PCTP: variants seen among roughly 807,000 people sequenced by gnomAD.
PCTP encodes the protein phosphatidylcholine transfer protein, also known as START domain-containing protein 2.
PCTP carries 27 observed loss-of-function variants against 31.0 expected under a neutral mutation model. The ratio of observed to expected loss-of-function variants is 0.87; its 90% confidence interval spans 0.64 to 1.20. The LOEUF is 1.20. Ranked by LOEUF, PCTP falls within the 50% of genes most tolerant of loss-of-function variation. The pLI is 0.00. For synonymous variants in PCTP, 108 were observed against 101.2 expected (o/e 1.07, Z -0.40); for missense variants, 287 against 268.2 (o/e 1.07, Z -0.49).
chr17:55,764,756 A>G (rs970954649), intron 1 of PCTP, among the ~76,000 whole-genome samples: 2 of 152,214 alleles, frequency 1.3e-5, no homozygotes, highest in African/African-American at 4.8e-5. Flanking sequence ...CCCTCAGGCC[A>G]TGGCACAGTG....
At chr17:55,806,959 T>C (rs1296656235) in intron 3 of PCTP, among the ~76,000 whole-genome samples, 1 of 152,192 alleles carries the variant, frequency 6.6e-6, no homozygotes, top group African/African-American at 2.4e-5. Flanking sequence ...AATCTGCTAA[T>C]GACTCAGACT....
chr17:55,776,611 G>C lies in PCTP; in HGVS notation c.*511G>C, dbSNP rs943701324. 3 of 1,230,734 alleles carry C rather than the reference G, an allele frequency of 2.4e-6. No individual in the cohort carries two copies. The African/African-American group carries it at 4.7e-5, about 19-fold the overall frequency. 76.2% of individuals were successfully genotyped at this position (1,230,734 alleles called of 1,614,324 possible). ...AGCTGACTTTCAGTGCACCCAAACT[G>C]GATGACGTGCCAATGTCCATTTGCC... On this transcript the variant is annotated 3_prime_UTR_variant, in exon 6 of 6. Transcript: ENST00000268896.
At chr17:55,794,111 A>C (rs1245939674) in intron 3 of PCTP, among the ~76,000 whole-genome samples, 2 of 152,092 alleles carry the variant, frequency 1.3e-5, no homozygotes, top group Non-Finnish European at 2.9e-5. Context: ...TGCCAGAACA[A>C]AACCAACCTC....
At chr17:55,769,883 G>T (rs35098135) in intron 2 of PCTP, 16,576 of 152,212 alleles carry the variant, frequency 0.11, 998 homozygotes, top group African/African-American at 0.15. Flanking sequence ...TGCTCAAGGG[G>T]CGATCAATGC....
downstream of PCTP, among the ~76,000 whole-genome samples, chr17:55,827,988 G>C (rs919074156): frequency 6.6e-6 from 1 of 152,132 alleles, no homozygotes; most frequent in African/African-American, 2.4e-5. Flanking sequence ...TGCTATTTGC[G>C]TTCAAGGGTG....
At chr17:55,778,895 G>C (rs1245338694), downstream of PCTP, among the ~76,000 whole-genome samples, 1 of 152,156 alleles carries the variant, frequency 6.6e-6, no homozygotes, top group Non-Finnish European at 1.5e-5. Flanking sequence ...TGGAACCGAG[G>C]AGTTCCAGCA....
intron 2 of PCTP, chr17:55,770,031 A>T (rs1046892015): frequency 3.3e-5 from 5 of 152,240 alleles, no homozygotes; most frequent in African/African-American, 9.6e-5. Context: ...AACCTAAATT[A>T]TCCCTCCTTA....
chr17:55,852,075 C>T, the PCTP span, among the ~76,000 whole-genome samples: 1 of 152,034 alleles, frequency 6.6e-6, no homozygotes, highest in Non-Finnish European at 1.5e-5. Context: ...TTTTTTTACT[C>T]AACTTTATAT....
At chr17:55,809,362 C>T (rs1169751185) in intron 3 of PCTP, among the ~76,000 whole-genome samples, 1 of 152,040 alleles carries the variant, frequency 6.6e-6, no homozygotes, top group East Asian at 1.9e-4. Context: ...TTAAGGTAAG[C>T]AGATGTCATA....
chr17:55,806,555 A>G (rs1253421896), intron 3 of PCTP, among the ~76,000 whole-genome samples: 6 of 152,178 alleles, frequency 3.9e-5, no homozygotes, highest in Admixed American at 2.0e-4. Flanking sequence ...TAAGACTGCC[A>G]GGTAGGAAAC....
chr17:55,805,886 ATGTGTGTG>A (rs58345619), intron 3 of PCTP, among the ~76,000 whole-genome samples: 70 of 142,860 alleles, frequency 4.9e-4, no homozygotes, highest in African/African-American at 1.7e-3. Context: ...CTCAATCTGT[ATGTGTGTG>A]TGTGTGTGTG....
In PCTP at chr17:55,776,708, G is replaced by A; in HGVS notation, c.*608G>A. Reference sequence around the variant, plus strand: ...AGTAAGTCTTTCCTCGTTCCTACTTGTGGAGGATCAGTAGCTGTTATGATG... The same window carrying A: ...AGTAAGTCTTTCCTCGTTCCTACTTATGGAGGATCAGTAGCTGTTATGATG... On this transcript the variant is annotated 3_prime_UTR_variant, in exon 6 of 6. Transcript: ENST00000268896. 8.3e-7 allele frequency: 1 copy of A among 1,207,570 alleles called. No homozygotes were observed. 74.8% of individuals were successfully genotyped at this position (1,207,570 alleles called of 1,614,324 possible). A position where few individuals can be genotyped will look rare whatever the true frequency, so the allele number is the denominator to read the frequency against.
Position 55,776,813 on chromosome 17 carries a change from A to G in PCTP, c.*713A>G. Reference sequence around the variant, plus strand: ...ACATTTTTCCTCATCATCCATGAGGAAATGGATGATTTCTCTTTTCCATAT... The same window carrying G: ...ACATTTTTCCTCATCATCCATGAGGGAATGGATGATTTCTCTTTTCCATAT... On this transcript the variant is annotated 3_prime_UTR_variant, in exon 6 of 6. Coordinates refer to ENST00000268896, the MANE Select transcript of PCTP (RefSeq NM_021213.4). The G allele has an allele frequency of 9.6e-7, 1 of 1,039,410 alleles. No individual in the cohort carries two copies. The highest frequency in any genetic ancestry group is 1.2e-6 in the Non-Finnish European group (1 of 865,820). 64.4% of individuals were successfully genotyped at this position (1,039,410 alleles called of 1,614,324 possible).
At chr17:55,791,184 C>A (rs1396605976) in intron 3 of PCTP, among the ~76,000 whole-genome samples, 1 of 151,964 alleles carries the variant, frequency 6.6e-6, no homozygotes, top group Admixed American at 6.6e-5. Context: ...AAACGTTAGA[C>A]CTAAAACCAT....
At chr17:55,756,273 G>A (rs1279712236) in intron 1 of PCTP, among the ~76,000 whole-genome samples, 1 of 152,158 alleles carries the variant, frequency 6.6e-6, no homozygotes, top group Non-Finnish European at 1.5e-5. Context: ...AGTATATGAT[G>A]AAATGTCCAG....
chr17:55,757,221 T>C (rs1471972807), intron 1 of PCTP, among the ~76,000 whole-genome samples: 1 of 150,832 alleles, frequency 6.6e-6, no homozygotes, highest in East Asian at 2.0e-4. Context: ...TATATGTATA[T>C]ATATACACAT....
chr17:55,760,087 A>G (rs990181720), intron 1 of PCTP, among the ~76,000 whole-genome samples: 2 of 152,208 alleles, frequency 1.3e-5, no homozygotes, highest in Non-Finnish European at 2.9e-5. Flanking sequence ...CATCTCAAAA[A>G]TTAGTGATAA....
chr17:55,755,191 G>A (rs1357701363), intron 1 of PCTP, among the ~76,000 whole-genome samples: 2 of 152,132 alleles, frequency 1.3e-5, no homozygotes, highest in Admixed American at 1.3e-4. Flanking sequence ...ATGGGCGTCG[G>A]TTGGACTGAT....
chr17:55,775,005 C>A, intron 5 of PCTP, 146 bp downstream of exon 5: 2 of 921,714 alleles, frequency 2.2e-6, no homozygotes, highest in Non-Finnish European at 3.3e-6. Context: ...TTGAGTGACT[C>A]TGGTTAGGGC....
Sources: allele counts gnomAD v4.1 joint callset (sites outside exome capture counted in the v4.1 genomes callset), GRCh38; gene constraint gnomAD v4.1.1; transcripts MANE v1.5; gene names NCBI Gene and HGNC (gene_info 2026-07-23, HGNC 2026-07-21).